Variants in BRWD3 observed in about 807,000 individuals in gnomAD.
BRWD3 encodes the protein bromodomain and WD repeat domain containing 3, also known as bromodomain and WD repeat-containing protein 3.
In BRWD3, 10 loss-of-function variants were observed where a neutral mutation model predicts 149.7. The ratio of observed to expected loss-of-function variants is 0.07; its 90% CI spans 0.04 to 0.11. BRWD3 has a LOEUF of 0.11. Ranked by LOEUF, BRWD3 falls within the 10% of genes least tolerant of loss-of-function variation. BRWD3 has a pLI of 1.00. For synonymous variants in BRWD3, 504 were observed against 456.7 expected (o/e 1.10, Z -1.32); for missense variants, 940 against 1,373.2 (o/e 0.68, Z 4.99).
intron 23 of BRWD3, 151 bp from the exon 24 acceptor site, chrX:80,703,744 G>A (rs2072823608): frequency 4.9e-6 from 2 of 411,632 alleles, no homozygotes; most frequent in South Asian, 1.1e-4. Context: ...GAATGATTTT[G>A]CTTTATTATA....
At chrX:80,772,713 C>A (rs979022292) in intron 6 of BRWD3, among the ~76,000 whole-genome samples, 8 of 111,182 alleles carry the variant, frequency 7.2e-5, no homozygotes, top group Non-Finnish European at 1.3e-4. Context: ...ATTCAATTAC[C>A]ATATGATCCC....
At chrX:80,788,922 T>C (rs184903942) in intron 6 of BRWD3, among the ~76,000 whole-genome samples, 2 of 112,096 alleles carry the variant, frequency 1.8e-5, no homozygotes, top group Non-Finnish European at 3.8e-5. Context: ...GAAAGATTAG[T>C]GGTTTCCAGG....
At chrX:80,767,159 G>T (rs73227324) in intron 6 of BRWD3, among the ~76,000 whole-genome samples, 2 of 111,735 alleles carry the variant, frequency 1.8e-5, no homozygotes, top group South Asian at 3.7e-4. Flanking sequence ...CTTCTGCACA[G>T]GTAAACCTCC....
At chrX:80,753,570 C>T (rs747533503) in intron 6 of BRWD3, among the ~76,000 whole-genome samples, 61 of 111,567 alleles carry the variant, frequency 5.5e-4, no homozygotes, top group African/African-American at 1.9e-3. Context: ...CACACCCAGC[C>T]TTGAGGTCTT....
At position 80,692,163 on chromosome X, in the gene BRWD3, A is replaced by G. The variant is rs781681858; in HGVS notation, c.3264-13T>C. On this transcript the variant is annotated splice_polypyrimidine_tract_variant and intron_variant, in intron 28 of 40. Coordinates refer to ENST00000373275, the MANE Select transcript of BRWD3 (RefSeq NM_153252.5). ...ATTATTGTCCCAGCTATTAAAAAATAAGAAGATGCAAATCAAATTAATCAT... is the reference window on the plus strand; with the variant it reads ...ATTATTGTCCCAGCTATTAAAAAATGAGAAGATGCAAATCAAATTAATCAT... The G allele has an allele frequency of 1.1e-5, 13 of 1,183,524 alleles. No homozygotes were observed. In the Admixed American group the frequency reaches 2.9e-4, roughly 26 times the overall value.
rs1269284077 is a variant in BRWD3 at position 80,676,565 on chromosome X, A to C, written c.*44T>G. 1 of 1,196,042 alleles carries C rather than the reference A, an allele frequency of 8.4e-7. No homozygotes were observed. The highest frequency in any genetic ancestry group is 2.2e-5 in the Admixed American group (1 of 45,667). On this transcript the variant is annotated 3_prime_UTR_variant, in exon 41 of 41. Coordinates refer to ENST00000373275, the MANE Select transcript of BRWD3 (RefSeq NM_153252.5). ...GATTTCCTGGTAAATTCCCTGCAGT[A>C]GAAGGCCATTGAATTTTTTAAGTTA...
At chrX:80,798,303 T>C (rs943883209) in intron 4 of BRWD3, among the ~76,000 whole-genome samples, 3 of 111,126 alleles carry the variant, frequency 2.7e-5, no homozygotes, top group Non-Finnish European at 5.7e-5. Flanking sequence ...ATAAGGGTAG[T>C]TAACTGCTTA....
At chrX:80,748,460 T>A (rs766196859) in intron 6 of BRWD3, among the ~76,000 whole-genome samples, 12 of 112,164 alleles carry the variant, frequency 1.1e-4, no homozygotes, top group Non-Finnish European at 2.1e-4. Context: ...TTGAAAAACA[T>A]TAGTGTAAGT....
chrX:80,682,266 T>C (rs2072459235), intron 38 of BRWD3, among the ~76,000 whole-genome samples, 172 bp from the exon 39 acceptor site: 1 of 111,381 alleles, frequency 9.0e-6, no homozygotes, highest in Non-Finnish European at 1.9e-5. Context: ...ATCATTAAAA[T>C]TTAAAAAAAG....
rs745781642 is a variant in BRWD3 at position 80,735,321 on chromosome X, G to T, written c.915-124C>A. The T allele has an allele frequency of 1.8e-5, 10 of 546,706 alleles. No individual in the cohort carries two copies. In the African/African-American group the frequency reaches 1.8e-4, roughly 10 times the overall value. The allele number at this position is 546,706 out of a possible 1,213,427, so 45.1% of individuals were successfully genotyped here. ...TTATAGAAAAAACAAAAGGAACGTG[G>T]TCAATAAGTACTATTCTCATCAATT... is the stretch of plus-strand genomic sequence containing the variant. On this transcript the variant is annotated intron_variant, in intron 9 of 40. Coordinates refer to ENST00000373275, the MANE Select transcript of BRWD3 (RefSeq NM_153252.5).
chrX:80,803,260 C>G (rs2074321258), intron 4 of BRWD3, among the ~76,000 whole-genome samples: 1 of 111,412 alleles, frequency 9.0e-6, no homozygotes, highest in South Asian at 3.7e-4. Context: ...AAAACAAAAA[C>G]TAAAACACAG....
Position 80,688,104 on chromosome X carries a change from C to A in BRWD3, c.3829G>T (p.Asp1277Tyr). The A allele has an allele frequency of 8.3e-7, 1 of 1,202,892 alleles. No individual in the cohort carries two copies. Among genetic ancestry groups the A allele is most frequent in the Non-Finnish European group, 1.1e-6 (1 of 887,776 alleles). Residue 1277 changes from aspartate to tyrosine, a missense_variant, in exon 34 of 41, where the codon GAT becomes TAT. Physicochemically the swap from Asp to Tyr is radical, Grantham distance 160. This residue lies in a region of BRWD3 where 349 missense variants were observed against 419.6 expected (regional missense o/e 0.83). Transcript: ENST00000373275. ...AEEDTEIVDLDSDGPGTSSGR... is the reference protein window; with the variant it reads ...AEEDTEIVDLYSDGPGTSSGR... The stretch of plus-strand genomic sequence containing the variant: ...GATGAAGTACCAGGACCGTCTGAAT[C>A]TAAATCAACAATTTCTGTATCCTTA...
intron 5 of BRWD3, 117 bp downstream of exon 5, chrX:80,793,505 T>C: frequency 1.2e-6 from 1 of 813,351 alleles, no homozygotes; most frequent in African/African-American, 2.1e-5. Flanking sequence ...AAAACAACAT[T>C]GGCAAGATAA....
At chrX:80,780,730 G>A (rs190814270) in intron 6 of BRWD3, among the ~76,000 whole-genome samples, 16 of 112,131 alleles carry the variant, frequency 1.4e-4, no homozygotes, top group African/African-American at 5.2e-4. Flanking sequence ...CAAAGAGGAG[G>A]AAGGTGGTAA....
chrX:80,703,415 T>G, intron 24 of BRWD3, 65 bp downstream of exon 24: 1 of 657,970 alleles, frequency 1.5e-6, no homozygotes, highest in Non-Finnish European at 2.4e-6. Context: ...ATAAATATAT[T>G]CAGACTGATT....
rs34984796 is a variant in BRWD3, at chrX:80,681,423, G to A, written c.4572C>T (p.Phe1524=). The A allele has an allele frequency of 5.4e-4, 646 of 1,207,223 alleles. 4 individuals carry two copies. The African/African-American group carries it at 0.01, about 19-fold the overall frequency. The change falls in exon 40 of 41, where the codon TTC becomes TTT. Residue 1524 remains phenylalanine (F), a synonymous_variant. Coordinates refer to ENST00000373275, the MANE Select transcript of BRWD3 (RefSeq NM_153252.5). ...EPDGPFSSSS[F]GGYSRSGNSH... The stretch of plus-strand genomic sequence containing the variant: ...TATTTCCACTTCGGCTATATCCACC[G>A]AAGCTCGATGAAGAAAATGGCCCAT...
intron 40 of BRWD3, among the ~76,000 whole-genome samples, chrX:80,679,427 G>A (rs113209709): frequency 0.099 from 11,048 of 111,051 alleles, 594 homozygotes; most frequent in Non-Finnish European, 0.16. Flanking sequence ...ATAAGCAACC[G>A]AATATTTTTA....
intron 27 of BRWD3, among the ~76,000 whole-genome samples, chrX:80,694,795 T>C (rs983057565): frequency 1.1e-4 from 12 of 111,509 alleles, no homozygotes; most frequent in Non-Finnish European, 2.1e-4. Flanking sequence ...GTAACGAATC[T>C]GCTTGTGATT....
At chrX:80,708,410 T>C (rs1180130214) in intron 21 of BRWD3, among the ~76,000 whole-genome samples, 1 of 91,952 alleles carries the variant, frequency 1.1e-5, no homozygotes, top group Admixed American at 1.3e-4. Flanking sequence ...TTTTTTTTTT[T>C]AAAGGGTGGG....
Sources: allele counts gnomAD v4.1 joint callset (sites outside exome capture counted in the v4.1 genomes callset), GRCh38; gene constraint gnomAD v4.1.1; regional missense constraint gnomAD v4.1.1; transcripts MANE v1.5; gene names NCBI Gene and HGNC (gene_info 2026-07-23, HGNC 2026-07-21).